The following KCNH1 variants were observed in gnomAD, a reference collection of about 807,000 sequenced individuals.
KCNH1 encodes potassium voltage-gated channel subfamily H member 1.
A neutral mutation model predicts 69.2 loss-of-function variants in KCNH1; 27 were observed. The observed-to-expected ratio is 0.39, with a 90% CI of 0.29 to 0.54. KCNH1 has a LOEUF of 0.54. KCNH1 is among the 20% of genes least tolerant of loss of function. The pLI, the probability that KCNH1 is intolerant of heterozygous loss-of-function variation, is 0.68. For missense variants in KCNH1, 798 were observed against 1,261.6 expected, an observed-to-expected ratio of 0.63 and a Z score of 5.57; for synonymous variants, 456 against 487.7, an observed-to-expected ratio of 0.93 and a Z score of 0.86.
chr1:211,053,581 G>T lies in KCNH1; in HGVS notation c.558+29199C>A, dbSNP rs150230554. ...TCTAGAACTTTTGGTAGAAAAAAGG[G>T]TTATCTGTAAAAAATCAGAACCCCA... On this transcript the variant is annotated intron_variant, in intron 5 of 10. Coordinates refer to ENST00000271751, the MANE Select transcript of KCNH1 (RefSeq NM_172362.3). Among the ~76,000 whole-genome samples, 1,510 of 152,252 alleles carry T rather than the reference G, an allele frequency of 9.9e-3. 14 individuals carry two copies. Among genetic ancestry groups the T allele is most frequent in the Non-Finnish European group, 0.013 (915 of 68,010 alleles).
intron 6 of KCNH1, among the ~76,000 whole-genome samples, chr1:210,965,386 A>T (rs1374982460): frequency 6.6e-6 from 1 of 152,216 alleles, no homozygotes; most frequent in African/African-American, 2.4e-5. Flanking sequence ...TTAAGCTGAT[A>T]AGCAACTTCA....
At position 211,105,004 on chromosome 1, in the gene KCNH1, A is replaced by G. The variant is rs372537636; in HGVS notation, c.204-1402T>C. Among the ~76,000 whole-genome samples, 553 of 152,250 alleles carry G rather than the reference A, an allele frequency of 3.6e-3. 6 individuals are homozygous for G. Among genetic ancestry groups the G allele is most frequent in the African/African-American group, 0.013 (526 of 41,546 alleles). On this transcript the variant is annotated intron_variant, in intron 2 of 10. Coordinates refer to ENST00000271751, the MANE Select transcript of KCNH1 (RefSeq NM_172362.3). ...ACAGGCTTCCAAATTCTGGTACCCA[A>G]TAAGAAGAGAGTCCTAGCTGTTGAC...
In KCNH1 at chr1:210,806,822, AAAAAAAAAAAAAAAAT is replaced by A. The variant is rs1289993902; in HGVS notation, c.1463-2672_1463-2657del. Reference sequence around the variant, plus strand: ...CCATCTCTACCAAAAAAAAAAAAAAAAAAAAAAAAAAAAAATATATATATATATATATAAATTTGCC... The same window carrying A: ...CCATCTCTACCAAAAAAAAAAAAAAAATATATATATATATATAAATTTGCC... On this transcript the variant is annotated intron_variant, in intron 7 of 10. Coordinates refer to ENST00000271751, the MANE Select transcript of KCNH1 (RefSeq NM_172362.3). Among the ~76,000 whole-genome samples the A allele has an allele frequency of 5.6e-3, 233 of 41,532 alleles. 7 individuals are homozygous for A. The highest frequency in any genetic ancestry group is 0.021 in the South Asian group (14 of 680). 27.2% of individuals were successfully genotyped at this position (41,532 alleles called of 152,430 possible).
chr1:211,101,545 T>C (rs1052694411), intron 3 of KCNH1, among the ~76,000 whole-genome samples: 1 of 152,166 alleles, frequency 6.6e-6, no homozygotes, highest in African/African-American at 2.4e-5. Context: ...TTGTGTGAAT[T>C]AGAAAGAGAA....
At chr1:211,090,296 C>G (rs1691029757) in intron 4 of KCNH1, among the ~76,000 whole-genome samples, 1 of 152,224 alleles carries the variant, frequency 6.6e-6, no homozygotes, top group Non-Finnish European at 1.5e-5. Flanking sequence ...GCCAAACTGT[C>G]TTCTTCTGCC....
Position 211,016,067 on chromosome 1 carries a change from A to G in KCNH1, c.1032+2716T>C, listed in dbSNP as rs186589475. ...TAACTAACATTTTTCTTATTAACCA[A>G]TCTATTTCATGAATCTATAAATCAG... On this transcript the variant is annotated intron_variant, in intron 6 of 10. Coordinates refer to ENST00000271751, the MANE Select transcript of KCNH1 (RefSeq NM_172362.3). Among the ~76,000 whole-genome samples, 15 of 152,314 alleles carry G rather than the reference A, an allele frequency of 9.8e-5. No individual in the cohort carries two copies. The East Asian group carries it at 2.7e-3, about 27-fold the overall frequency.
intron 3 of KCNH1, among the ~76,000 whole-genome samples, chr1:211,102,596 G>C (rs1691277783): frequency 6.6e-6 from 1 of 152,072 alleles, no homozygotes; most frequent in African/African-American, 2.4e-5. Flanking sequence ...AGTAATCTCA[G>C]TCACCTACTC....
chr1:210,800,940 C>T (rs541016223), intron 8 of KCNH1, among the ~76,000 whole-genome samples: 122 of 152,314 alleles, frequency 8.0e-4, no homozygotes, highest in African/African-American at 2.7e-3. Flanking sequence ...ATACTTAGCT[C>T]CTCTCCCCAT....
chr1:210,853,514 T>A (rs960312177), intron 7 of KCNH1, among the ~76,000 whole-genome samples: 1 of 152,160 alleles, frequency 6.6e-6, no homozygotes, highest in Non-Finnish European at 1.5e-5. Context: ...CCCAGAGAAC[T>A]CTGTCCTACA....
chr1:211,110,823 C>T (rs1691447627), intron 1 of KCNH1, among the ~76,000 whole-genome samples: 1 of 151,862 alleles, frequency 6.6e-6, no homozygotes, highest in Non-Finnish European at 1.5e-5. Flanking sequence ...GAGCTAAAAC[C>T]TCAACTAATT....
intron 7 of KCNH1, among the ~76,000 whole-genome samples, chr1:210,822,755 T>C (rs964804455): frequency 6.6e-6 from 1 of 152,120 alleles, no homozygotes; most frequent in Non-Finnish European, 1.5e-5. Context: ...TAGAACCTGA[T>C]CCCCCTTTCA....
chr1:210,681,350 T>C lies in KCNH1; in HGVS notation c.*1931A>G, dbSNP rs573064378. The C allele has an allele frequency of 6.6e-6, 1 of 152,358 alleles. No individual in the cohort carries two copies. Among genetic ancestry groups the C allele is most frequent in the African/African-American group, 2.4e-5 (1 of 41,580 alleles). The allele number at this position is 152,358 out of a possible 1,614,324, so 9.4% of individuals were successfully genotyped here. On this transcript the variant is annotated 3_prime_UTR_variant, in exon 11 of 11. Transcript: ENST00000271751. ...AGGAAATTAGACTTCCTCTTACTTG[T>C]ATGCCGCCATCTGAGGCTAAATCTA...
intron 10 of KCNH1, among the ~76,000 whole-genome samples, chr1:210,705,848 G>A (rs1383615001): frequency 1.3e-5 from 2 of 152,006 alleles, no homozygotes; most frequent in Non-Finnish European, 2.9e-5. Context: ...TGGGCACCTC[G>A]ATCCTAATCC....
chr1:211,124,269 G>C (rs2102500036), intron 1 of KCNH1, among the ~76,000 whole-genome samples: 2 of 152,308 alleles, frequency 1.3e-5, no homozygotes, highest in South Asian at 2.1e-4. Context: ...GCTTCAGACA[G>C]AACACAGGTG....
intron 1 of KCNH1, among the ~76,000 whole-genome samples, chr1:211,108,151 C>A (rs1009417554): frequency 6.6e-6 from 1 of 152,208 alleles, no homozygotes; most frequent in Non-Finnish European, 1.5e-5. Context: ...GGTATTCTCA[C>A]TACTTCCCAC....
intron 5 of KCNH1, among the ~76,000 whole-genome samples, chr1:211,078,933 A>AG (rs1238659243): frequency 3.3e-5 from 5 of 150,526 alleles, no homozygotes; most frequent in African/African-American, 4.9e-5. Context: ...AAAAAAAAAA[A>AG]AAAAGAAAGA....
intron 1 of KCNH1, among the ~76,000 whole-genome samples, chr1:211,122,072 G>C (rs1241755398): frequency 6.6e-6 from 1 of 151,922 alleles, no homozygotes; most frequent in African/African-American, 2.4e-5. Flanking sequence ...TGGGAGGCGG[G>C]GCTTGCAGTG....
At chr1:211,105,320 G>A (rs1393156910) in intron 2 of KCNH1, among the ~76,000 whole-genome samples, 1 of 152,178 alleles carries the variant, frequency 6.6e-6, no homozygotes, top group Non-Finnish European at 1.5e-5. Flanking sequence ...TGGTATATAT[G>A]CAAGCAATTT....
At chr1:210,987,596 C>T (rs999145520) in intron 6 of KCNH1, among the ~76,000 whole-genome samples, 2 of 152,112 alleles carry the variant, frequency 1.3e-5, no homozygotes, top group South Asian at 2.1e-4. Context: ...TTCAGAACAG[C>T]GGATATTGGT....
Sources: gnomAD v4.1 joint callset for allele counts (sites outside exome capture counted in the v4.1 genomes callset) on GRCh38, gnomAD v4.1.1 for gene constraint, MANE v1.5 for transcripts, NCBI Gene and HGNC (gene_info 2026-07-23, HGNC 2026-07-21) for gene names.